Variants in TRPM3 observed in about 807,000 individuals in gnomAD.
TRPM3 encodes long transient receptor potential channel 3.
TRPM3 carries 77 observed loss-of-function variants against 181.2 expected under a neutral mutation model. The ratio of observed to expected loss-of-function variants is 0.42; its 90% CI spans 0.35 to 0.51. TRPM3 has a LOEUF of 0.51. TRPM3 is among the 20% of genes least tolerant of loss of function. TRPM3 has a pLI of 0.01. For missense variants in TRPM3, 1,759 were observed against 2,196.7 expected (o/e 0.80, Z 3.98); for synonymous variants, 745 against 796.4 (o/e 0.94, Z 1.09).
At chr9:71,169,263 T>C (rs1384131240) in intron 1 of TRPM3, among the ~76,000 whole-genome samples, 1 of 152,170 alleles carries the variant, frequency 6.6e-6, no homozygotes, top group African/African-American at 2.4e-5. Flanking sequence ...ATAAAACACA[T>C]CTCCAGGTCA....
intron 1 of TRPM3, among the ~76,000 whole-genome samples, chr9:71,162,454 C>A (rs1409060771): frequency 6.6e-6 from 1 of 151,934 alleles, no homozygotes; most frequent in African/African-American, 2.4e-5. Flanking sequence ...CTGTATCATG[C>A]ATTTTATTGT....
chr9:70,610,666 G>A lies in TRPM3; in HGVS notation c.2610C>T (p.Leu870=), dbSNP rs376291442. Residue 870 remains leucine, a synonymous_variant, in exon 19 of 26, where the codon CTC becomes CTT. Coordinates refer to ENST00000677713, the MANE Select transcript of TRPM3 (RefSeq NM_001366145.2). Reference sequence around the variant, plus strand: ...TGTAGAATTCATAGATTTTTCTGCCGAGGGGGATTAACCGGTGCTTGCTCT... The same window carrying A: ...TGTAGAATTCATAGATTTTTCTGCCAAGGGGGATTAACCGGTGCTTGCTCT... ...EVQSKHRLIP[L]GRKIYEFYNA... 86 of 1,614,034 alleles carry A rather than the reference G, an allele frequency of 5.3e-5. No homozygotes were observed. Among genetic ancestry groups the A allele is most frequent in the Non-Finnish European group, 6.5e-5 (77 of 1,180,010 alleles).
At chr9:71,302,074 C>T (rs1504402) in intron 1 of TRPM3, among the ~76,000 whole-genome samples, 150,358 of 152,226 alleles carry the variant, frequency 0.99, 74,282 homozygotes, top group East Asian at 1. Context: ...CAAATGTCTA[C>T]ATAAAACAAA....
At chr9:71,160,842 A>G (rs1372642297) in intron 1 of TRPM3, among the ~76,000 whole-genome samples, 2 of 152,194 alleles carry the variant, frequency 1.3e-5, no homozygotes, top group African/African-American at 4.8e-5. Flanking sequence ...AAGGTTCCCA[A>G]TTATATTTAT....
At chr9:70,782,142 T>C (rs146913979) in intron 7 of TRPM3, among the ~76,000 whole-genome samples, 73 of 151,966 alleles carry the variant, frequency 4.8e-4, no homozygotes, top group Non-Finnish European at 1.0e-3. Flanking sequence ...AATTATTAAG[T>C]TTATTTCTGA....
At chr9:71,076,443 G>A (rs2063474420) in intron 1 of TRPM3, among the ~76,000 whole-genome samples, 1 of 152,156 alleles carries the variant, frequency 6.6e-6, no homozygotes, top group Admixed American at 6.5e-5. Context: ...GACAGTTCTT[G>A]GCAGCAGCCA....
At chr9:71,254,564 C>T (rs2082558366) in intron 1 of TRPM3, among the ~76,000 whole-genome samples, 1 of 152,092 alleles carries the variant, frequency 6.6e-6, no homozygotes, top group Non-Finnish European at 1.5e-5. Flanking sequence ...ACAATGTATA[C>T]ATATTTTAAA....
At chr9:70,645,685 C>T (rs555708163) in intron 9 of TRPM3, among the ~76,000 whole-genome samples, 29 of 150,904 alleles carry the variant, frequency 1.9e-4, no homozygotes, top group African/African-American at 6.8e-4. Flanking sequence ...AAAGCAATGG[C>T]AACAAAAGCC....
intron 1 of TRPM3, among the ~76,000 whole-genome samples, chr9:70,980,128 G>T (rs1245191363): frequency 7.2e-6 from 1 of 138,046 alleles, no homozygotes; most frequent in Non-Finnish European, 1.5e-5. Context: ...TAATGCTGTG[G>T]TGGGAGCCCT....
At chr9:70,806,873 A>T (rs1336780362) in intron 6 of TRPM3, among the ~76,000 whole-genome samples, 5 of 152,048 alleles carry the variant, frequency 3.3e-5, no homozygotes, top group Admixed American at 2.6e-4. Context: ...CTAAATAATA[A>T]TTTGAAGAGA....
At chr9:71,250,030 T>A (rs1465072005) in intron 1 of TRPM3, among the ~76,000 whole-genome samples, 1 of 152,210 alleles carries the variant, frequency 6.6e-6, no homozygotes, top group Non-Finnish European at 1.5e-5. Context: ...TAAGGCTTGA[T>A]AACTCCTCAT....
At chr9:71,358,646 TAAAG>T (rs2092010201) in intron 1 of TRPM3, among the ~76,000 whole-genome samples, 1 of 152,138 alleles carries the variant, frequency 6.6e-6, no homozygotes, top group South Asian at 2.1e-4. Flanking sequence ...TGCTGGAAAG[TAAAG>T]AAAGAACAGA....
At chr9:70,940,821 T>C (rs1377463267) in intron 1 of TRPM3, among the ~76,000 whole-genome samples, 1 of 152,026 alleles carries the variant, frequency 6.6e-6, no homozygotes, top group East Asian at 1.9e-4. Context: ...TTAAATGCCT[T>C]GAGGAGAGAA....
Position 70,537,041 on chromosome 9 carries a change from C to G in TRPM3, c.4072G>C (p.Asp1358His). Residue 1358 changes from aspartate to histidine, a missense_variant, in exon 26 of 26, where the codon GAC becomes CAC. Transcript: ENST00000677713. ...SHSFYSVNMK[D>H]KGGIEKLESI... ...TCCAACTTTTCTATACCACCTTTGT[C>G]TTTCATATTGACCGAATAGAAAGAA... is the stretch of plus-strand genomic sequence containing the variant. 1 of 1,612,374 alleles carries G rather than the reference C, an allele frequency of 6.2e-7. No individual in the cohort carries two copies. The highest frequency in any genetic ancestry group is 8.5e-7 in the Non-Finnish European group (1 of 1,178,470).
intron 1 of TRPM3, among the ~76,000 whole-genome samples, chr9:71,209,236 G>C (rs1018054467): frequency 1.3e-5 from 2 of 151,856 alleles, no homozygotes; most frequent in African/African-American, 4.8e-5. Context: ...TAAGCAAAAT[G>C]ATTTCTTAAA....
At chr9:71,056,381 G>A (rs1010741015) in intron 1 of TRPM3, among the ~76,000 whole-genome samples, 2 of 151,890 alleles carry the variant, frequency 1.3e-5, no homozygotes, top group Admixed American at 6.6e-5. Flanking sequence ...AGAATACACT[G>A]CAGAGATATG....
At chr9:71,265,964 T>C (rs1413840605) in intron 1 of TRPM3, among the ~76,000 whole-genome samples, 1 of 152,224 alleles carries the variant, frequency 6.6e-6, no homozygotes, top group Non-Finnish European at 1.5e-5. Context: ...TAACCTATCT[T>C]GCCACTGAGT....
At chr9:70,653,007 G>A (rs2059783653) in intron 9 of TRPM3, among the ~76,000 whole-genome samples, 1 of 152,192 alleles carries the variant, frequency 6.6e-6, no homozygotes, top group Admixed American at 6.5e-5. Context: ...TTGTTAGGTC[G>A]ATGAGGGCCT....
chr9:71,320,501 TCTGTACA>T (rs142793916), intron 1 of TRPM3, among the ~76,000 whole-genome samples: 448 of 152,226 alleles, frequency 2.9e-3, no homozygotes, highest in African/African-American at 0.01. Context: ...TAATCAGTAT[TCTGTACA>T]CTGTTCTTCA....
Sources: allele counts gnomAD v4.1 joint callset (sites outside exome capture counted in the v4.1 genomes callset), GRCh38; gene constraint gnomAD v4.1.1; transcripts MANE v1.5; gene names NCBI Gene and HGNC (gene_info 2026-07-23, HGNC 2026-07-21).